SH3D21: variants seen among roughly 807,000 people sequenced by gnomAD.
SH3D21 encodes the protein SH3 domain-containing protein 21.
In SH3D21, 83 loss-of-function variants were observed where a neutral mutation model predicts 82.1. The ratio of observed to expected loss-of-function variants is 1.01; its 90% CI spans 0.85 to 1.21. SH3D21 has a LOEUF of 1.21. SH3D21 is among the 50% of genes most tolerant of loss of function. The pLI, the probability that SH3D21 is intolerant of heterozygous loss-of-function variation, is 0.00. For synonymous variants in SH3D21, 383 were observed against 387.8 expected, an observed-to-expected ratio of 0.99 and a Z score of 0.15; for missense variants, 980 against 962.1, an observed-to-expected ratio of 1.02 and a Z score of -0.25.
Position 36,306,590 on chromosome 1 carries a change from G to A in SH3D21, c.5-8G>A, listed in dbSNP as rs1472649273. The stretch of plus-strand genomic sequence containing the variant: ...GAGCCGCACGCCGGCCCCGTCTTCC[G>A]CCCGCAGAAGTCCTCGTCCTGGCCG... On this transcript the variant is annotated splice_polypyrimidine_tract_variant and splice_region_variant and intron_variant, in intron 1 of 15. Coordinates refer to ENST00000453908, the MANE Select transcript of SH3D21 (RefSeq NM_001162530.2). This position sits in a 1 kb window ranked among gnomAD's most constrained non-coding sequence, Gnocchi z 4.5. 1.3e-5 allele frequency: 17 copies of A among 1,302,682 alleles called. No homozygotes were observed. The highest frequency in any genetic ancestry group is 1.3e-5 in the Non-Finnish European group (13 of 988,526). The allele number at this position is 1,302,682 out of a possible 1,614,324, so 80.7% of individuals were successfully genotyped here.
At chr1:36,322,809 T>TG, downstream of SH3D21, 1 of 1,492,368 alleles carries the variant, frequency 6.7e-7, no homozygotes, top group Non-Finnish European at 9.1e-7. Context: ...GTTCTAGGTG[T>TG]GGGGGCGAGG....
intron 10 of SH3D21, among the ~76,000 whole-genome samples, chr1:36,317,380 C>T (rs1380358997): frequency 2.6e-5 from 4 of 152,286 alleles, no homozygotes; most frequent in Middle Eastern, 3.4e-3. Context: ...GATTTGTATA[C>T]GTATCTGCGT....
Position 36,306,434 on chromosome 1 carries a change from G to A in SH3D21, c.4+10G>A. 1 of 1,305,426 alleles carries A rather than the reference G, an allele frequency of 7.7e-7. No homozygotes were observed. The highest frequency in any genetic ancestry group is 1.0e-6 in the Non-Finnish European group (1 of 988,972). 80.9% of individuals were successfully genotyped at this position (1,305,426 alleles called of 1,614,324 possible). A position where few individuals can be genotyped will look rare whatever the true frequency, so the allele number is the denominator to read the frequency against. On this transcript the variant is annotated intron_variant, in intron 1 of 15. Coordinates refer to ENST00000453908, the MANE Select transcript of SH3D21 (RefSeq NM_001162530.2). The surrounding 1 kb of genome is among the most constrained non-coding windows in gnomAD (Gnocchi z 4.5). The stretch of plus-strand genomic sequence containing the variant: ...GCCCCGGAAACCATGGGTAAGTGCG[G>A]AGGCTTTGAGGTGGCCTCTCTCTGC...
downstream of SH3D21, among the ~76,000 whole-genome samples, chr1:36,327,123 C>T (rs140354786): frequency 1.1e-4 from 17 of 152,252 alleles, no homozygotes; most frequent in African/African-American, 3.9e-4. Context: ...GCAAGGAGAA[C>T]CAGGCCAGAA....
At chr1:36,311,529 C>T (rs926198767) in intron 10 of SH3D21, among the ~76,000 whole-genome samples, 1 of 152,098 alleles carries the variant, frequency 6.6e-6, no homozygotes, top group Non-Finnish European at 1.5e-5. Context: ...CATGAGCCAT[C>T]GTGCCCGGCC....
downstream of SH3D21, among the ~76,000 whole-genome samples, chr1:36,325,777 C>CTCGT (rs548413444): frequency 1.2e-3 from 188 of 152,332 alleles, 2 homozygotes; most frequent in East Asian, 0.032. Flanking sequence ...ATCTGCTGAC[C>CTCGT]TCGTGATCCA....
chr1:36,308,537 T>C, intron 9 of SH3D21, 62 bp downstream of exon 9: 1 of 1,382,944 alleles, frequency 7.2e-7, no homozygotes, highest in South Asian at 1.2e-5. Flanking sequence ...AAGGTGGGGA[T>C]CATGGGCACT....
At chr1:36,314,665 C>A (rs968485459) in intron 10 of SH3D21, among the ~76,000 whole-genome samples, 8 of 151,876 alleles carry the variant, frequency 5.3e-5, no homozygotes, top group African/African-American at 1.9e-4. Flanking sequence ...CCATGTTTCC[C>A]AGGTGGTCTT....
In SH3D21 at chr1:36,319,778, C is replaced by T. The variant is rs776149647; in HGVS notation, c.1115C>T (p.Pro372Leu). Residue 372 changes from proline (P) to leucine (L), a missense_variant, in exon 14 of 16, where the codon CCC becomes CTC. Pro to Leu is a moderately conservative substitution (Grantham distance 98). Transcript: ENST00000453908. ...AGGCCCCCAGCTCCAGAGAACGCCC[C>T]CAGCTCCAAGAAGATCCCGGCTCCT... is the stretch of plus-strand genomic sequence containing the variant. The part of the protein sequence containing the change: ...PERPPAPENA[P>L]SSKKIPAPDK... The T allele has an allele frequency of 1.4e-5, 22 of 1,613,510 alleles. No homozygotes were observed. Among genetic ancestry groups the T allele is most frequent in the Admixed American group, 3.3e-5 (2 of 59,926 alleles).
At chr1:36,328,350 G>T, downstream of SH3D21, 1 of 360,004 alleles carries the variant, frequency 2.8e-6, no homozygotes, top group South Asian at 2.1e-5. Flanking sequence ...ACCCTACCAC[G>T]GGGATAGGTC....
downstream of SH3D21, chr1:36,321,425 C>G: frequency 8.1e-7 from 1 of 1,234,388 alleles, no homozygotes; most frequent in East Asian, 3.5e-5. The surrounding 1 kb of genome is among the most constrained non-coding windows in gnomAD (Gnocchi z 6.1). Flanking sequence ...ACTCCAGCCG[C>G]GCACTGGAGA....
At chr1:36,323,039 C>T (rs1464976605), downstream of SH3D21, 4 of 1,601,752 alleles carry the variant, frequency 2.5e-6, no homozygotes, top group African/African-American at 5.4e-5. Context: ...GGCATCCATG[C>T]TGCTCTGGGG....
intron 10 of SH3D21, among the ~76,000 whole-genome samples, chr1:36,314,314 G>A (rs11590739): frequency 6.6e-6 from 1 of 151,596 alleles, no homozygotes; most frequent in South Asian, 2.1e-4. Context: ...TTCTTTTGGA[G>A]AAATGTCTGT....
At position 36,306,469 on chromosome 1, in the gene SH3D21, C is replaced by T. The variant is rs1557468386; in HGVS notation, c.4+45C>T. 7.7e-7 allele frequency: 1 copy of T among 1,305,344 alleles called. No homozygotes were observed. The highest frequency in any genetic ancestry group is 5.5e-5 in the East Asian group (1 of 18,022). 80.9% of individuals were successfully genotyped at this position (1,305,344 alleles called of 1,614,324 possible). A position where few individuals can be genotyped will look rare whatever the true frequency, so the allele number is the denominator to read the frequency against. ...GGTGGCCTCTCTCTGCAACCGTGGACATAGCAAGAGCCCACACCACCCCCC... is the reference window on the plus strand; with the variant it reads ...GGTGGCCTCTCTCTGCAACCGTGGATATAGCAAGAGCCCACACCACCCCCC... On this transcript the variant is annotated intron_variant, in intron 1 of 15. Coordinates refer to ENST00000453908, the MANE Select transcript of SH3D21 (RefSeq NM_001162530.2). This position sits in a 1 kb window ranked among gnomAD's most constrained non-coding sequence, Gnocchi z 4.5.
chr1:36,309,428 C>A, intron 9 of SH3D21, 120 bp from the exon 10 acceptor site: 1 of 1,164,498 alleles, frequency 8.6e-7, no homozygotes. Flanking sequence ...AACTTCTGTC[C>A]TCAAGTGATC....
chr1:36,328,024 C>T (rs771663403), downstream of SH3D21: 12 of 509,608 alleles, frequency 2.4e-5, no homozygotes, highest in South Asian at 7.6e-5. Flanking sequence ...CCTACCTCCT[C>T]GCTGCCTATC....
At position 36,309,537 on chromosome 1, in the gene SH3D21, T is replaced by C; in HGVS notation, c.727-11T>C. 1 of 1,551,552 alleles carries C rather than the reference T, an allele frequency of 6.4e-7. No homozygotes were observed. The highest frequency in any genetic ancestry group is 8.7e-7 in the Non-Finnish European group (1 of 1,146,892). ...TTAAGGATGCTCAACCTTTACTTCT[T>C]TTCGGCATAGATCAAGAAGCTGGTC... On this transcript the variant is annotated splice_polypyrimidine_tract_variant and intron_variant, in intron 9 of 15. Coordinates refer to ENST00000453908, the MANE Select transcript of SH3D21 (RefSeq NM_001162530.2).
chr1:36,322,353 C>A, downstream of SH3D21: 1 of 1,584,540 alleles, frequency 6.3e-7, no homozygotes, highest in Non-Finnish European at 8.5e-7. Flanking sequence ...CCCCAGCGTG[C>A]CTGTGCCCAG....
chr1:36,318,401 T>C (rs1380435477), intron 10 of SH3D21, among the ~76,000 whole-genome samples: 1 of 152,082 alleles, frequency 6.6e-6, no homozygotes, highest in Non-Finnish European at 1.5e-5. Flanking sequence ...TTGGGAGTCA[T>C]TGACTTATTG....
Sources: allele counts gnomAD v4.1 joint callset (sites outside exome capture counted in the v4.1 genomes callset), GRCh38; gene constraint gnomAD v4.1.1; non-coding constraint Gnocchi (gnomAD v3.1); transcripts MANE v1.5; gene names NCBI Gene and HGNC (gene_info 2026-07-23, HGNC 2026-07-21).